WNT5B: variants seen among roughly 807,000 people sequenced by gnomAD.
The protein encoded by WNT5B is Wnt family member 5B, also known as protein Wnt-5b.
Under a neutral mutation model 36.5 loss-of-function variants are expected in WNT5B, and 18 were observed. The ratio of observed to expected loss-of-function variants is 0.49; its 90% CI spans 0.34 to 0.73. The LOEUF is 0.73. Among genes scored for constraint, WNT5B ranks in the 30% least tolerant of loss-of-function variants. The pLI, the probability that WNT5B is intolerant of heterozygous loss-of-function variation, is 0.01. For synonymous variants in WNT5B, 213 were observed against 212.3 expected (o/e 1.00, Z -0.03); for missense variants, 424 against 508.4 (o/e 0.83, Z 1.60).
chr12:1,619,589 AT>A (rs1162201333), intron 1 of WNT5B, among the ~76,000 whole-genome samples: 1 of 152,220 alleles, frequency 6.6e-6, no homozygotes, highest in Admixed American at 6.5e-5. Context: ...GAAGAATGCT[AT>A]CTAGAAAAAA....
upstream of WNT5B, among the ~76,000 whole-genome samples, chr12:1,626,842 GTT>G (rs1375543052): frequency 5.3e-5 from 8 of 152,028 alleles, no homozygotes; most frequent in Non-Finnish European, 1.5e-5. Context: ...TGGGGTTACA[GTT>G]GTGAGCCACT....
At chr12:1,634,773 A>T (rs952315734) in intron 3 of WNT5B, among the ~76,000 whole-genome samples, 4 of 152,110 alleles carry the variant, frequency 2.6e-5, no homozygotes, top group African/African-American at 9.7e-5. Context: ...CTGCTGCAAA[A>T]GTCGGTCACC....
intron 1 of WNT5B, among the ~76,000 whole-genome samples, chr12:1,623,177 G>GTTTTTTTTTTTTTTTTTTTTTTTTTT (rs1565603144): frequency 1.0e-5 from 1 of 98,188 alleles, no homozygotes; most frequent in African/African-American, 4.3e-5. Context: ...CCTTTGAAGG[G>GTTTTTTTTTTTTTTTTTTTTTTTTTT]TTTTTTGTTG....
chr12:1,626,834 G>A (rs533432685), upstream of WNT5B, among the ~76,000 whole-genome samples: 5 of 152,122 alleles, frequency 3.3e-5, no homozygotes, highest in East Asian at 7.7e-4. Context: ...CAAAGTGCTG[G>A]GGTTACAGTT....
chr12:1,639,416 G>T (rs1184857902), intron 3 of WNT5B, among the ~76,000 whole-genome samples: 27 of 151,666 alleles, frequency 1.8e-4, no homozygotes, highest in Admixed American at 3.9e-4. Context: ...GGGATTACGG[G>T]CTGAGCCACC....
At chr12:1,643,686 C>CTTTTTTTTTTTTTTTTT (rs368172169) in intron 4 of WNT5B, among the ~76,000 whole-genome samples, 1 of 97,446 alleles carries the variant, frequency 1.0e-5, no homozygotes, top group Non-Finnish European at 1.9e-5. Flanking sequence ...TTTTTGAAAG[C>CTTTTTTTTTTTTTTTTT]TTTTTTTTTT....
chr12:1,639,674 C>T lies in WNT5B; in HGVS notation c.329-10C>T. 1.3e-6 allele frequency: 2 copies of T among 1,534,188 alleles called. No homozygotes were observed. The highest frequency in any genetic ancestry group is 1.4e-5 in the African/African-American group (1 of 71,910). ...GCGCACCCGCTTACCGCCCTGGCCT[C>T]ATTCTGCAGGCAGCCGAGAGACCGC... On this transcript the variant is annotated splice_polypyrimidine_tract_variant and intron_variant, in intron 3 of 4. Transcript: ENST00000397196.
rs548965029 is a variant in WNT5B, at chr12:1,631,137, A to G, written c.-57-161A>G. 3 of 530,304 alleles carry G rather than the reference A, an allele frequency of 5.7e-6. No individual in the cohort carries two copies. The African/African-American group carries it at 5.7e-5, about 10-fold the overall frequency. 32.8% of individuals were successfully genotyped at this position (530,304 alleles called of 1,614,324 possible). A position where few individuals can be genotyped will look rare whatever the true frequency, so the allele number is the denominator to read the frequency against. The stretch of plus-strand genomic sequence containing the variant: ...AAGAGACAGAAGTCCTAGGGTGGGA[A>G]GATGAGCAGTGGGAGGCGGAGGCTG... On this transcript the variant is annotated intron_variant, in intron 1 of 4. Coordinates refer to ENST00000397196, the MANE Select transcript of WNT5B (RefSeq NM_032642.3).
chr12:1,619,861 G>T (rs1013185531), intron 1 of WNT5B, among the ~76,000 whole-genome samples: 1 of 152,074 alleles, frequency 6.6e-6, no homozygotes, highest in Admixed American at 6.5e-5. Flanking sequence ...GTCATCCCAC[G>T]TGGTTGTCTC....
chr12:1,625,923 G>A (rs1175209565), upstream of WNT5B, among the ~76,000 whole-genome samples: 4 of 150,990 alleles, frequency 2.6e-5, no homozygotes, highest in Non-Finnish European at 5.9e-5. Flanking sequence ...TCAGCCTCCC[G>A]AAGCGCTAGG....
chr12:1,639,003 C>T (rs1357693430), intron 3 of WNT5B, among the ~76,000 whole-genome samples: 2 of 152,182 alleles, frequency 1.3e-5, no homozygotes, highest in African/African-American at 4.8e-5. Context: ...CTGTTCGACT[C>T]CCATGTTCTG....
chr12:1,643,358 A>G (rs1352072769), intron 4 of WNT5B, among the ~76,000 whole-genome samples: 2 of 152,154 alleles, frequency 1.3e-5, no homozygotes, highest in Non-Finnish European at 2.9e-5. Flanking sequence ...AGATCGTAGA[A>G]CTAAAACTTT....
At position 1,639,137 on chromosome 12, in the gene WNT5B, G is replaced by GT. The variant is rs572997048; in HGVS notation, c.329-538dup. Among the ~76,000 whole-genome samples, 284 of 150,364 alleles carry GT rather than the reference G, an allele frequency of 1.9e-3. 1 individual carries two copies. The South Asian group carries it at 0.021, about 11-fold the overall frequency. On this transcript the variant is annotated intron_variant, in intron 3 of 4. Coordinates refer to ENST00000397196, the MANE Select transcript of WNT5B (RefSeq NM_032642.3). The stretch of plus-strand genomic sequence containing the variant: ...GGACCGGAGGGACTTGTTTTTTTGT[G>GT]TTTTTTTTTCTTTTTTTTGAGACAG...
At chr12:1,639,427 G>A (rs1020464546) in intron 3 of WNT5B, among the ~76,000 whole-genome samples, 4 of 151,760 alleles carry the variant, frequency 2.6e-5, no homozygotes, top group Non-Finnish European at 5.9e-5. Flanking sequence ...CTGAGCCACC[G>A]CGCCGGGCCA....
intron 3 of WNT5B, 106 bp from the exon 4 acceptor site, chr12:1,639,578 T>A (rs1199365588): frequency 4.0e-6 from 5 of 1,264,476 alleles, no homozygotes; most frequent in Non-Finnish European, 3.1e-6. Context: ...GCCCCAGGGG[T>A]GTCAGCAGAG....
chr12:1,631,516 G>A, intron 2 of WNT5B, 82 bp downstream of exon 2: 2 of 1,603,988 alleles, frequency 1.2e-6, no homozygotes, highest in Non-Finnish European at 1.7e-6. Context: ...GGCACCGTGT[G>A]TCACGGTAGT....
At chr12:1,625,334 G>C (rs900416841), upstream of WNT5B, among the ~76,000 whole-genome samples, 3 of 152,220 alleles carry the variant, frequency 2.0e-5, no homozygotes, top group Non-Finnish European at 4.4e-5. Flanking sequence ...GTACTCACCT[G>C]GAAATTGGGA....
intron 3 of WNT5B, among the ~76,000 whole-genome samples, chr12:1,639,328 GA>G (rs1405650988): frequency 7.9e-5 from 12 of 151,988 alleles, no homozygotes; most frequent in Non-Finnish European, 1.0e-4. Flanking sequence ...TAGTTGAGAC[GA>G]AGGTTTCACC....
chr12:1,646,479 T>G lies in WNT5B; in HGVS notation c.*227T>G. ...TGGGTGGGAGACAGGGCTTTTTCTC[T>G]CCCTCTGGCGAGGACTCTCAGGATG... On this transcript the variant is annotated 3_prime_UTR_variant, in exon 5 of 5. Coordinates refer to ENST00000397196, the MANE Select transcript of WNT5B (RefSeq NM_032642.3). 1 of 300,752 alleles carries G rather than the reference T, an allele frequency of 3.3e-6. No individual in the cohort carries two copies. The highest frequency in any genetic ancestry group is 5.9e-6 in the Non-Finnish European group (1 of 168,826). 18.6% of individuals were successfully genotyped at this position (300,752 alleles called of 1,614,324 possible).
Sources: allele counts gnomAD v4.1 joint callset (sites outside exome capture counted in the v4.1 genomes callset), GRCh38; gene constraint gnomAD v4.1.1; transcripts MANE v1.5; gene names NCBI Gene and HGNC (gene_info 2026-07-23, HGNC 2026-07-21).